CAST: variants seen among roughly 807,000 people sequenced by gnomAD.
CAST encodes the protein calpastatin, also known as MIR583 host.
Under a neutral mutation model 119.6 loss-of-function variants are expected in CAST, and 76 were observed. The observed-to-expected ratio is 0.64, with a 90% confidence interval of 0.53 to 0.77. CAST has a LOEUF of 0.77. CAST is among the 30% of genes least tolerant of loss of function. The probability of loss-of-function intolerance (pLI) is 0.00; values close to 1 mark genes in which losing one functional copy is unlikely to be tolerated. For missense variants in CAST, 953 were observed against 946.5 expected, an observed-to-expected ratio of 1.01 and a Z score of -0.09; for synonymous variants, 319 against 331.6, an observed-to-expected ratio of 0.96 and a Z score of 0.41.
At chr5:96,768,094 T>G in intron 29 of CAST, 95 bp downstream of exon 29, 1 of 857,446 alleles carries the variant, frequency 1.2e-6, no homozygotes, top group Non-Finnish European at 2.0e-6. Context: ...TATCTATCGG[T>G]CTGTCTTGTA....
chr5:96,054,764 T>C, the CAST span, among the ~76,000 whole-genome samples: 1 of 152,202 alleles, frequency 6.6e-6, no homozygotes, highest in African/African-American at 2.4e-5. Flanking sequence ...TTCCTTCTAA[T>C]ATCTACAAAG....
At chr5:96,307,798 G>T in the CAST span, among the ~76,000 whole-genome samples, 5 of 152,214 alleles carry the variant, frequency 3.3e-5, no homozygotes, top group Non-Finnish European at 7.3e-5. Flanking sequence ...ATTCTGGCTT[G>T]TAGGGTTTCT....
chr5:96,332,368 T>C, the CAST span, among the ~76,000 whole-genome samples: 103 of 152,288 alleles, frequency 6.8e-4, no homozygotes, highest in Non-Finnish European at 1.3e-3. Flanking sequence ...GTGTATCACC[T>C]TCATTAATTT....
the CAST span, among the ~76,000 whole-genome samples, chr5:96,393,599 C>T: frequency 1.3e-5 from 2 of 152,146 alleles, no homozygotes; most frequent in Non-Finnish European, 2.9e-5. Context: ...CTCAACTTCA[C>T]CTGTCAGGTG....
chr5:96,223,582 G>C, the CAST span, among the ~76,000 whole-genome samples: 1 of 152,160 alleles, frequency 6.6e-6, no homozygotes, highest in Non-Finnish European at 1.5e-5. Flanking sequence ...CCATGGCCTT[G>C]CTGGCACTTA....
At chr5:96,421,104 C>T in the CAST span, among the ~76,000 whole-genome samples, 1 of 152,182 alleles carries the variant, frequency 6.6e-6, no homozygotes, top group African/African-American at 2.4e-5. Flanking sequence ...CTTTGAGGGT[C>T]CACATGCCTA....
the CAST span, among the ~76,000 whole-genome samples, chr5:96,183,676 C>T: frequency 1.6e-3 from 241 of 152,202 alleles, 3 homozygotes; most frequent in South Asian, 0.028. Context: ...AGAGTTTGCT[C>T]TTTGTGGTAG....
At chr5:96,325,906 C>G in the CAST span, among the ~76,000 whole-genome samples, 1 of 152,296 alleles carries the variant, frequency 6.6e-6, no homozygotes, top group African/African-American at 2.4e-5. Context: ...TACAAAGACC[C>G]AACTTGGCGA....
chr5:96,416,408 T>G, the CAST span, among the ~76,000 whole-genome samples: 1 of 152,194 alleles, frequency 6.6e-6, no homozygotes, highest in East Asian at 1.9e-4. Flanking sequence ...AAATTATATG[T>G]AAAACACTTA....
At chr5:96,409,370 C>T in the CAST span, among the ~76,000 whole-genome samples, 1 of 152,198 alleles carries the variant, frequency 6.6e-6, no homozygotes, top group African/African-American at 2.4e-5. Flanking sequence ...TGGCTCTGCT[C>T]CTCAGAGGGC....
the CAST span, among the ~76,000 whole-genome samples, chr5:96,417,810 C>T: frequency 6.6e-6 from 1 of 152,224 alleles, no homozygotes; most frequent in African/African-American, 2.4e-5. Flanking sequence ...CACATCTGAA[C>T]ATACAGAAGG....
chr5:96,194,521 A>G, the CAST span, among the ~76,000 whole-genome samples: 5 of 152,226 alleles, frequency 3.3e-5, no homozygotes, highest in Non-Finnish European at 7.3e-5. Flanking sequence ...CCCAGATTTC[A>G]GTCTTCAAGG....
the CAST span, among the ~76,000 whole-genome samples, chr5:96,100,354 C>A: frequency 1.3e-5 from 2 of 152,186 alleles, no homozygotes; most frequent in South Asian, 2.1e-4. Flanking sequence ...GCTTCTGCCT[C>A]AGTTTACCAG....
At chr5:96,230,387 G>C in the CAST span, among the ~76,000 whole-genome samples, 3 of 152,114 alleles carry the variant, frequency 2.0e-5, no homozygotes, top group Non-Finnish European at 4.4e-5. Context: ...TCTGTGGTTA[G>C]TGTTAATGCC....
At chr5:96,240,669 T>G in the CAST span, among the ~76,000 whole-genome samples, 1 of 152,018 alleles carries the variant, frequency 6.6e-6, no homozygotes, top group Admixed American at 6.6e-5. Context: ...GCTCAAGCAA[T>G]TGTGGTGCCT....
At chr5:96,627,238 T>G (rs1382189903) in intron 1 of CAST, among the ~76,000 whole-genome samples, 1 of 150,980 alleles carries the variant, frequency 6.6e-6, no homozygotes, top group Non-Finnish European at 1.5e-5. Flanking sequence ...CACACATTTC[T>G]TAACAGGCAA....
At chr5:96,410,666 A>G in the CAST span, 3 of 936,448 alleles carry the variant, frequency 3.2e-6, no homozygotes, top group South Asian at 4.0e-5. Context: ...CAACTGAGAC[A>G]TCAAGCTTAA....
chr5:96,573,826 A>T (rs1318309045), intron 1 of CAST, among the ~76,000 whole-genome samples: 1 of 152,152 alleles, frequency 6.6e-6, no homozygotes, highest in East Asian at 1.9e-4. Flanking sequence ...CTCATGAGGG[A>T]TGATTTTTGC....
chr5:96,021,881 C>A, the CAST span, among the ~76,000 whole-genome samples: 1 of 152,170 alleles, frequency 6.6e-6, no homozygotes, highest in Non-Finnish European at 1.5e-5. Context: ...ATAATTACAT[C>A]AAAAACAGTT....
Sources: gnomAD v4.1 joint callset for allele counts (sites outside exome capture counted in the v4.1 genomes callset) on GRCh38, gnomAD v4.1.1 for gene constraint, MANE v1.5 for transcripts, NCBI Gene and HGNC (gene_info 2026-07-23, HGNC 2026-07-21) for gene names.